Variants in NKAIN3 observed in about 807,000 individuals in gnomAD.
NKAIN3 encodes the protein sodium/potassium-transporting ATPase subunit beta-1-interacting protein 3.
NKAIN3 carries 25 observed loss-of-function variants against 30.2 expected under a neutral mutation model. The observed-to-expected ratio is 0.83, with a 90% CI of 0.60 to 1.16. NKAIN3 has a LOEUF of 1.16. Among genes scored for constraint, NKAIN3 ranks in the 50% most tolerant of loss-of-function variants. The pLI, the probability that NKAIN3 is intolerant of heterozygous loss-of-function variation, is 0.00. For synonymous variants in NKAIN3, 91 were observed against 89.6 expected (o/e 1.02, Z -0.09); for missense variants, 225 against 254.1 (o/e 0.89, Z 0.78).
chr8:62,825,802 C>T (rs1246418256), intron 4 of NKAIN3, among the ~76,000 whole-genome samples: 2 of 152,152 alleles, frequency 1.3e-5, no homozygotes, highest in African/African-American at 2.4e-5. Context: ...AGCTTGGCTG[C>T]TCTGTGGTGC....
At chr8:62,525,867 G>T (rs962094130) in intron 1 of NKAIN3, among the ~76,000 whole-genome samples, 6 of 152,250 alleles carry the variant, frequency 3.9e-5, no homozygotes, top group Non-Finnish European at 7.4e-5. Context: ...AAAAATTGGA[G>T]TTAAGTATTC....
chr8:62,731,483 A>T (rs1476372642), intron 3 of NKAIN3, among the ~76,000 whole-genome samples: 1 of 152,160 alleles, frequency 6.6e-6, no homozygotes, highest in East Asian at 1.9e-4. Flanking sequence ...AACTGATATA[A>T]ATACACTAGT....
At chr8:62,584,700 CT>C (rs1810415500) in intron 2 of NKAIN3, among the ~76,000 whole-genome samples, 1 of 152,208 alleles carries the variant, frequency 6.6e-6, no homozygotes, top group South Asian at 2.1e-4. Flanking sequence ...TCTCTATCCT[CT>C]TGGAAAACCT....
chr8:62,804,552 C>T (rs189173777), intron 4 of NKAIN3, among the ~76,000 whole-genome samples: 1 of 152,114 alleles, frequency 6.6e-6, no homozygotes, highest in East Asian at 1.9e-4. Context: ...ACAAAAACCA[C>T]ACGATTATCT....
Position 62,466,544 on chromosome 8 carries a change from C to A in NKAIN3, c.55-112995C>A, listed in dbSNP as rs535278674. 6.6e-5 allele frequency among the ~76,000 whole-genome samples: 10 copies of A among 152,206 alleles called. No homozygotes were observed. In the South Asian group the frequency reaches 2.1e-3, roughly 32 times the overall value. On this transcript the variant is annotated intron_variant, in intron 1 of 6. Transcript: ENST00000623646. ...CAGTCCTGCGGTTTCCAGCTCATACCCTGACACAAGAAAGGGCAAGGAGAG... is the reference window on the plus strand; with the variant it reads ...CAGTCCTGCGGTTTCCAGCTCATACACTGACACAAGAAAGGGCAAGGAGAG...
chr8:62,546,274 T>G (rs1809010894), intron 1 of NKAIN3, among the ~76,000 whole-genome samples: 1 of 152,178 alleles, frequency 6.6e-6, no homozygotes, highest in South Asian at 2.1e-4. Flanking sequence ...TCTCATTCAT[T>G]TCCTAGGCAT....
At chr8:62,256,840 A>G (rs1192941647) in intron 1 of NKAIN3, among the ~76,000 whole-genome samples, 1 of 152,232 alleles carries the variant, frequency 6.6e-6, no homozygotes, top group African/African-American at 2.4e-5. Context: ...CATGGTTTCA[A>G]GGTTTACTTG....
chr8:62,341,242 C>A (rs1815735522), intron 1 of NKAIN3, among the ~76,000 whole-genome samples: 1 of 151,714 alleles, frequency 6.6e-6, no homozygotes, highest in South Asian at 2.1e-4. Flanking sequence ...TGTGATAGAC[C>A]CTTTCTCTTA....
At chr8:62,251,415 A>ATTCAATTT (rs1382916497) in intron 1 of NKAIN3, among the ~76,000 whole-genome samples, 2 of 152,164 alleles carry the variant, frequency 1.3e-5, no homozygotes. Context: ...CCATACAGCC[A>ATTCAATTT]TTCAATTTTG....
intron 1 of NKAIN3, among the ~76,000 whole-genome samples, chr8:62,357,186 A>G (rs1816389909): frequency 6.6e-6 from 1 of 152,126 alleles, no homozygotes; most frequent in Non-Finnish European, 1.5e-5. Context: ...ATGATTTGGG[A>G]AACTGAGGCC....
intron 1 of NKAIN3, among the ~76,000 whole-genome samples, chr8:62,528,310 T>TTATATATATATTATATA (rs1808374290): frequency 1.1e-5 from 1 of 89,864 alleles, no homozygotes; most frequent in Admixed American, 1.3e-4. Flanking sequence ...TTATATTATA[T>TTATATATATATTATATA]ATATATATTA....
intron 1 of NKAIN3, among the ~76,000 whole-genome samples, chr8:62,447,934 A>C (rs1805533676): frequency 6.6e-6 from 1 of 151,994 alleles, no homozygotes; most frequent in South Asian, 2.1e-4. Context: ...TAAAACCTTT[A>C]TCTGAGTACT....
At chr8:62,474,698 A>G (rs2129600227) in intron 1 of NKAIN3, among the ~76,000 whole-genome samples, 1 of 152,328 alleles carries the variant, frequency 6.6e-6, no homozygotes, top group Non-Finnish European at 1.5e-5. Context: ...AGGTTAAATA[A>G]AAACATTTTC....
At chr8:62,810,638 G>GTT (rs3032376) in intron 4 of NKAIN3, among the ~76,000 whole-genome samples, 25,117 of 119,916 alleles carry the variant, frequency 0.21, 2,650 homozygotes, top group East Asian at 0.26. Flanking sequence ...TAGGTAGAAA[G>GTT]TTTTTTTTTT....
At chr8:62,264,216 T>TC (rs763829581) in intron 1 of NKAIN3, among the ~76,000 whole-genome samples, 6 of 152,188 alleles carry the variant, frequency 3.9e-5, no homozygotes, top group Non-Finnish European at 7.3e-5. Context: ...AGGAGCTGTC[T>TC]CAGAATGTTG....
rs1253380362 is a variant in NKAIN3, at chr8:62,721,755, A to G, written c.274-25177A>G. Among the ~76,000 whole-genome samples the G allele has an allele frequency of 5.9e-5, 9 of 152,226 alleles. No homozygotes were observed. In the East Asian group the frequency reaches 1.7e-3, roughly 29 times the overall value. On this transcript the variant is annotated intron_variant, in intron 3 of 6. Coordinates refer to ENST00000623646, the MANE Select transcript of NKAIN3 (RefSeq NM_001304533.3). ...ATGTGGGAAGATTATTACATTCATA[A>G]GGAGGAAACCTACATCATTTGAAGA...
rs528637185 is a variant in NKAIN3, at chr8:62,564,366, C to T, written c.55-15173C>T. Among the ~76,000 whole-genome samples, 16 of 152,266 alleles carry T rather than the reference C, an allele frequency of 1.1e-4. No homozygotes were observed. In the East Asian group the frequency reaches 3.1e-3, roughly 29 times the overall value. Reference sequence around the variant, plus strand: ...GTCCCACCCTCACCCCCACTACCTCCCCACTCTCATTACAGAGCAAGATCA... The same window carrying T: ...GTCCCACCCTCACCCCCACTACCTCTCCACTCTCATTACAGAGCAAGATCA... On this transcript the variant is annotated intron_variant, in intron 1 of 6. Coordinates refer to ENST00000623646, the MANE Select transcript of NKAIN3 (RefSeq NM_001304533.3).
intron 1 of NKAIN3, among the ~76,000 whole-genome samples, chr8:62,427,210 A>T (rs1008039458): frequency 2.0e-5 from 3 of 152,044 alleles, no homozygotes; most frequent in Admixed American, 2.0e-4. Context: ...TAAATATATC[A>T]CAATTTTTGG....
chr8:62,811,260 C>T (rs1282888427), intron 4 of NKAIN3, among the ~76,000 whole-genome samples: 1 of 152,028 alleles, frequency 6.6e-6, no homozygotes, highest in African/African-American at 2.4e-5. Flanking sequence ...CTTATTTAAA[C>T]AATTGCCTGT....
Sources: gnomAD v4.1 joint callset for allele counts (sites outside exome capture counted in the v4.1 genomes callset) on GRCh38, gnomAD v4.1.1 for gene constraint, MANE v1.5 for transcripts, NCBI Gene and HGNC (gene_info 2026-07-23, HGNC 2026-07-21) for gene names.